NRXN2: variants seen among roughly 807,000 people sequenced by gnomAD.
NRXN2 encodes neurexin-2-beta.
A neutral mutation model predicts 128.8 loss-of-function variants in NRXN2; 29 were observed. The ratio of observed to expected loss-of-function variants is 0.23; its 90% confidence interval spans 0.17 to 0.31. The LOEUF is 0.31. NRXN2 is among the 10% of genes least tolerant of loss of function. NRXN2 has a pLI of 1.00. For missense variants in NRXN2, 1,881 were observed against 2,452.6 expected (o/e 0.77, Z 4.92); for synonymous variants, 1,098 against 1,075.2 (o/e 1.02, Z -0.41).
At chr11:64,704,466 C>A (rs1415375944) in intron 2 of NRXN2, among the ~76,000 whole-genome samples, 2 of 152,022 alleles carry the variant, frequency 1.3e-5, no homozygotes, top group Non-Finnish European at 2.9e-5. Context: ...AATAAAGCTA[C>A]TTCTACAAAA....
intron 22 of NRXN2, among the ~76,000 whole-genome samples, chr11:64,617,053 T>C (rs2041641392): frequency 6.6e-6 from 1 of 152,146 alleles, no homozygotes; most frequent in South Asian, 2.1e-4. Context: ...TGTATCTGTG[T>C]TTATGGACTT....
chr11:64,613,449 T>C (rs943007885), intron 22 of NRXN2, among the ~76,000 whole-genome samples: 44 of 152,214 alleles, frequency 2.9e-4, no homozygotes, highest in African/African-American at 1.0e-3. Context: ...AAGACTACAT[T>C]TCCTGACATC....
chr11:64,625,638 T>G (rs1565213824), intron 20 of NRXN2, among the ~76,000 whole-genome samples: 1 of 152,038 alleles, frequency 6.6e-6, no homozygotes, highest in African/African-American at 2.4e-5. Context: ...GCCTTAGAGG[T>G]ACAGAGCTCG....
chr11:64,665,737 C>T (rs556752910), intron 9 of NRXN2, among the ~76,000 whole-genome samples: 14 of 152,240 alleles, frequency 9.2e-5, no homozygotes, highest in African/African-American at 1.9e-4. Context: ...CAGTGACAGG[C>T]GGAGGAGCAC....
chr11:64,633,587 C>A (rs1163796722), intron 18 of NRXN2, among the ~76,000 whole-genome samples: 1 of 152,170 alleles, frequency 6.6e-6, no homozygotes, highest in Non-Finnish European at 1.5e-5. Flanking sequence ...CACAGGGAAA[C>A]CCAGTCACAC....
intron 17 of NRXN2, among the ~76,000 whole-genome samples, chr11:64,644,191 G>A (rs898878876): frequency 6.6e-6 from 1 of 151,966 alleles, no homozygotes; most frequent in Non-Finnish European, 1.5e-5. Context: ...CATACACACA[G>A]ACACCCCTGC....
rs142394230 is a variant in NRXN2 at position 64,667,148 on chromosome 11, G to T, written c.1798+102C>A. On this transcript the variant is annotated intron_variant, in intron 9 of 22. Coordinates refer to ENST00000265459, the MANE Select transcript of NRXN2 (RefSeq NM_015080.4). The surrounding 1 kb of genome is among the most constrained non-coding windows in gnomAD (Gnocchi z 5.6). ...GGAGAAGCGGCAGGGAAGAATATAG[G>T]AAATGGTGTAGAAGAGACCCGCTGA... 996 of 1,182,208 alleles carry T rather than the reference G, an allele frequency of 8.4e-4. 3 individuals are homozygous for T. The African/African-American group carries it at 0.012, about 14-fold the overall frequency. 73.2% of individuals were successfully genotyped at this position (1,182,208 alleles called of 1,614,324 possible). A position where few individuals can be genotyped will look rare whatever the true frequency, so the allele number is the denominator to read the frequency against.
At chr11:64,645,466 G>A (rs1287181962) in intron 17 of NRXN2, among the ~76,000 whole-genome samples, 1 of 152,122 alleles carries the variant, frequency 6.6e-6, no homozygotes, top group Non-Finnish European at 1.5e-5. Context: ...CCTGGGAGAG[G>A]CAGGAGACAG....
Position 64,606,947 on chromosome 11 carries a change from G to T in NRXN2, c.*249C>A. ...AATCAACCCAGGGCTGTGAGCACGTGCCCTGCCTGGCAGGCGCAGAGCTGA... is the reference window on the plus strand; with the variant it reads ...AATCAACCCAGGGCTGTGAGCACGTTCCCTGCCTGGCAGGCGCAGAGCTGA... On this transcript the variant is annotated 3_prime_UTR_variant, in exon 23 of 23. Transcript: ENST00000265459. 1.8e-6 allele frequency: 1 copy of T among 552,914 alleles called. No homozygotes were observed. Among genetic ancestry groups the T allele is most frequent in the Non-Finnish European group, 3.2e-6 (1 of 309,310 alleles). 34.3% of individuals were successfully genotyped at this position (552,914 alleles called of 1,614,324 possible). A position where few individuals can be genotyped will look rare whatever the true frequency, so the allele number is the denominator to read the frequency against.
At chr11:64,704,150 G>A (rs1418093814) in intron 2 of NRXN2, among the ~76,000 whole-genome samples, 1 of 152,146 alleles carries the variant, frequency 6.6e-6, no homozygotes, top group Non-Finnish European at 1.5e-5. Flanking sequence ...AGAGCTGACA[G>A]AATAACCCAA....
At chr11:64,628,930 G>A (rs182400292) in intron 19 of NRXN2, among the ~76,000 whole-genome samples, 4 of 152,286 alleles carry the variant, frequency 2.6e-5, no homozygotes, top group African/African-American at 9.6e-5. Flanking sequence ...CCATACAAAT[G>A]TCTGCAGTTG....
At chr11:64,708,093 C>T (rs796071437) in intron 2 of NRXN2, among the ~76,000 whole-genome samples, 13 of 149,062 alleles carry the variant, frequency 8.7e-5, no homozygotes, top group Admixed American at 4.6e-4. Flanking sequence ...AGCGAAACTC[C>T]GTCTCAAAAA....
rs1353380411 is a variant in NRXN2, at chr11:64,648,185, C to T, written c.3403+34G>A. On this transcript the variant is annotated intron_variant, in intron 17 of 22. Transcript: ENST00000265459. This position sits in a 1 kb window ranked among gnomAD's most constrained non-coding sequence, Gnocchi z 4.1. ...TATGGCTGGGAATGGACCCTGGTCT[C>T]CCCAAACTGCCCCCAGCCCTCCCAG... 12 of 1,613,796 alleles carry T rather than the reference C, an allele frequency of 7.4e-6. No homozygotes were observed. Among genetic ancestry groups the T allele is most frequent in the African/African-American group, 1.3e-5 (1 of 74,920 alleles).
intron 9 of NRXN2, among the ~76,000 whole-genome samples, chr11:64,664,107 A>T (rs1217181139): frequency 6.6e-6 from 1 of 152,222 alleles, no homozygotes; most frequent in Admixed American, 6.5e-5. Flanking sequence ...AAAGTTCTGG[A>T]GATAAACAAT....
Position 64,666,146 on chromosome 11 carries a change from C to T in NRXN2, c.1798+1104G>A, listed in dbSNP as rs563097674. Among the ~76,000 whole-genome samples the T allele has an allele frequency of 3.3e-5, 5 of 152,200 alleles. No individual in the cohort carries two copies. The East Asian group carries it at 9.6e-4, about 29-fold the overall frequency. ...TTAGTTTCCCTGCTGTCCATATCTA[C>T]AGAACCTTGGACACCATCTGGCACA... On this transcript the variant is annotated intron_variant, in intron 9 of 22. Coordinates refer to ENST00000265459, the MANE Select transcript of NRXN2 (RefSeq NM_015080.4).
rs1468039509 is a variant in NRXN2 at position 64,712,996 on chromosome 11, C to T, written c.704G>A (p.Gly235Asp). 2 of 1,494,690 alleles carry T rather than the reference C, an allele frequency of 1.3e-6. No homozygotes were observed. The highest frequency in any genetic ancestry group is 1.2e-5 in the South Asian group (1 of 80,498). 92.6% of individuals were successfully genotyped at this position (1,494,690 alleles called of 1,614,324 possible). Reference sequence around the variant, plus strand: ...TTCGCTGCAGAACTTGCCGCCGAAGCCCGTGTGGCTGCAGTCGCAGCCCAC... The same window carrying T: ...TTCGCTGCAGAACTTGCCGCCGAAGTCCGTGTGGCTGCAGTCGCAGCCCAC... ...GEVGCDCSHT[G>D]FGGKFCSEEE... The change falls in exon 2 of 23, where the codon GGC (glycine) becomes GAC (aspartate). Residue 235 changes from glycine (G) to aspartate (D), a missense_variant. By Grantham distance (94) the Gly-to-Asp change is moderately conservative (BLOSUM62 -1). This residue lies in a region of NRXN2 where 997 missense variants were observed against 1,240.8 expected (regional missense o/e 0.80). Transcript: ENST00000265459.
rs139806166 is a variant in NRXN2 at position 64,667,367 on chromosome 11, C to T, written c.1681G>A (p.Gly561Ser). The T allele has an allele frequency of 2.5e-6, 4 of 1,614,072 alleles. No homozygotes were observed. The highest frequency in any genetic ancestry group is 1.3e-5 in the African/African-American group (1 of 74,918). The change falls in exon 9 of 23, where the codon GGC (glycine) becomes AGC (serine). Residue 561 changes from glycine to serine, a missense_variant. Physicochemically the swap from Gly to Ser is moderately conservative, Grantham distance 56. Transcript: ENST00000265459. This position sits in a 1 kb window ranked among gnomAD's most constrained non-coding sequence, Gnocchi z 5.6. ...ATGTCCAGCAGAAGATAGAGGTGGC[C>T]GTCCAATAGCTCCATGGCAAAGTAG... Reference protein sequence around the residue: ...ADYFAMELLDGHLYLLLDMGS... With the variant: ...ADYFAMELLDSHLYLLLDMGS...
intron 6 of NRXN2, 131 bp from the exon 7 acceptor site, chr11:64,677,168 A>C: frequency 1.6e-6 from 1 of 640,342 alleles, no homozygotes. Context: ...GGAACGAGGA[A>C]AAAATATATA....
chr11:64,669,992 T>G lies in NRXN2; in HGVS notation c.1198-1388A>C, dbSNP rs1255270394. 2.0e-5 allele frequency among the ~76,000 whole-genome samples: 3 copies of G among 152,086 alleles called. No individual in the cohort carries two copies. In the East Asian group the frequency reaches 5.8e-4, roughly 29 times the overall value. ...TATATGCACATGCCACCAGCCATCTTCCAGCGACTGGTCTCCAGGGGTCCA... is the reference window on the plus strand; with the variant it reads ...TATATGCACATGCCACCAGCCATCTGCCAGCGACTGGTCTCCAGGGGTCCA... On this transcript the variant is annotated intron_variant, in intron 7 of 22. Transcript: ENST00000265459.
Sources: allele counts gnomAD v4.1 joint callset (sites outside exome capture counted in the v4.1 genomes callset), GRCh38; gene constraint gnomAD v4.1.1; regional missense constraint gnomAD v4.1.1; non-coding constraint Gnocchi (gnomAD v3.1); transcripts MANE v1.5; gene names NCBI Gene and HGNC (gene_info 2026-07-23, HGNC 2026-07-21).